TOP2B: variants seen among roughly 807,000 people sequenced by gnomAD.
TOP2B encodes DNA topoisomerase II beta.
In TOP2B, 51 loss-of-function variants were observed where a neutral mutation model predicts 193.5. The observed-to-expected ratio is 0.26, with a 90% CI of 0.21 to 0.33. The LOEUF (loss-of-function observed/expected upper bound fraction) is 0.33, where lower values mean the gene tolerates loss of function less well. Ranked by LOEUF, TOP2B falls within the 10% of genes least tolerant of loss-of-function variation. The pLI, the probability that TOP2B is intolerant of heterozygous loss-of-function variation, is 1.00. For synonymous variants in TOP2B, 634 were observed against 635.7 expected, an observed-to-expected ratio of 1.00 and a Z score of 0.04; for missense variants, 1,378 against 1,909.3, an observed-to-expected ratio of 0.72 and a Z score of 5.19.
intron 13 of TOP2B, 71 bp from the exon 14 acceptor site, chr3:25,629,216 T>C: frequency 4.3e-6 from 5 of 1,173,724 alleles, no homozygotes; most frequent in Non-Finnish European, 5.8e-6. Context: ...TAAACAAATT[T>C]TAAAACGTGA....
At chr3:25,654,127 G>T (rs1703677430) in intron 1 of TOP2B, among the ~76,000 whole-genome samples, 1 of 152,004 alleles carries the variant, frequency 6.6e-6, no homozygotes, top group Non-Finnish European at 1.5e-5. Context: ...ACAAGAAAAG[G>T]AAATAAAAGG....
chr3:25,647,103 G>A (rs913275349), intron 1 of TOP2B, among the ~76,000 whole-genome samples: 1 of 152,078 alleles, frequency 6.6e-6, no homozygotes, highest in Admixed American at 6.5e-5. Context: ...AAAGTTAGAC[G>A]ATGAACTAGC....
In TOP2B at chr3:25,624,448, A is replaced by G; in HGVS notation, c.2347-3T>C. 6.2e-7 allele frequency: 1 copy of G among 1,612,820 alleles called. No individual in the cohort carries two copies. The highest frequency in any genetic ancestry group is 2.2e-5 in the East Asian group (1 of 44,852). ...ACAATAGTCATCATCAATGCTTGCT[A>G]TACAACAGAAGAAGGCAGAACATAA... is the stretch of plus-strand genomic sequence containing the variant. On this transcript the variant is annotated splice_region_variant and splice_polypyrimidine_tract_variant and intron_variant, in intron 19 of 35. Coordinates refer to ENST00000264331, the MANE Select transcript of TOP2B (RefSeq NM_001330700.2).
rs754151946 is a variant in TOP2B, at chr3:25,630,129, T to C, written c.1589A>G (p.Asn530Ser). The change falls in exon 13 of 36, where the codon AAT (asparagine) becomes AGT (serine). Residue 530 changes from asparagine (N) to serine (S), a missense_variant. Asn to Ser is a conservative substitution (Grantham distance 46). Around this residue, in one of 9 missense-constraint regions of TOP2B, gnomAD observed 66 missense variants for 153.3 expected, o/e 0.43. Transcript: ENST00000264331. ...KQIMENAEINNIIKIVGLQYK... is the reference protein window; with the variant it reads ...KQIMENAEINSIIKIVGLQYK... ...TTGTAGACCAACTATTTTAATAATA[T>C]TATTTATTTCAGCATTTTCCATGAT... 13 of 1,566,000 alleles carry C rather than the reference T, an allele frequency of 8.3e-6. No individual in the cohort carries two copies. Among genetic ancestry groups the C allele is most frequent in the Non-Finnish European group, 1.1e-5 (13 of 1,155,352 alleles).
Position 25,637,257 on chromosome 3 carries a change from T to C in TOP2B, c.597A>G (p.Thr199=), listed in dbSNP as rs751567735. 5 of 1,560,470 alleles carry C rather than the reference T, an allele frequency of 3.2e-6. No individual in the cohort carries two copies. The South Asian group carries it at 5.9e-5, about 18-fold the overall frequency. ...TGTATTCTTTGCAAGCTGTTTCTAC[T>C]GTAAACTTTGTACTGAAAATATTAC... ...KLCNIFSTKF[T]VETACKEYKH... is the part of the protein sequence containing the mutation. The change falls in exon 6 of 36, where the codon ACA becomes ACG. Residue 199 remains threonine, a synonymous_variant. Coordinates refer to ENST00000264331, the MANE Select transcript of TOP2B (RefSeq NM_001330700.2).
intron 1 of TOP2B, among the ~76,000 whole-genome samples, chr3:25,649,954 T>C (rs886192757): frequency 3.3e-5 from 5 of 152,202 alleles, no homozygotes; most frequent in Non-Finnish European, 5.9e-5. Context: ...ATATCAGCCA[T>C]TTAGCTCAAC....
intron 1 of TOP2B, among the ~76,000 whole-genome samples, chr3:25,657,071 C>T (rs1703766432): frequency 6.6e-6 from 1 of 152,198 alleles, no homozygotes; most frequent in Admixed American, 6.5e-5. Context: ...TCCAATTTGT[C>T]TTTTACGTTC....
intron 10 of TOP2B, among the ~76,000 whole-genome samples, chr3:25,631,215 T>C (rs1702946966): frequency 6.6e-6 from 1 of 152,090 alleles, no homozygotes; most frequent in Admixed American, 6.6e-5. Context: ...ATTGCTCTTG[T>C]TACAAATTAA....
At chr3:25,631,945 A>T (rs1702971063) in intron 10 of TOP2B, among the ~76,000 whole-genome samples, 2 of 152,074 alleles carry the variant, frequency 1.3e-5, no homozygotes. Flanking sequence ...GCTGTGATTG[A>T]TTCATCTCCA....
At chr3:25,630,506 C>A in intron 11 of TOP2B, 37 bp from the exon 12 acceptor site, 1 of 1,469,576 alleles carries the variant, frequency 6.8e-7, no homozygotes, top group Non-Finnish European at 9.1e-7. Flanking sequence ...GTAAAAATTT[C>A]TCATACTTTC....
chr3:25,637,331 G>A lies in TOP2B; in HGVS notation c.542-19C>T. The stretch of plus-strand genomic sequence containing the variant: ...CGACCACCTGTAAGAAAAATTAAAT[G>A]TAAAAGGTTTAGTAAAAATGATTTT... On this transcript the variant is annotated intron_variant, in intron 5 of 35. Transcript: ENST00000264331. 6.6e-7 allele frequency: 1 copy of A among 1,515,626 alleles called. No individual in the cohort carries two copies. Among genetic ancestry groups the A allele is most frequent in the Admixed American group, 2.1e-5 (1 of 48,444 alleles). The allele number at this position is 1,515,626 out of a possible 1,614,324, so 93.9% of individuals were successfully genotyped here. A position where few individuals can be genotyped will look rare whatever the true frequency, so the allele number is the denominator to read the frequency against.
chr3:25,619,769 T>G lies in TOP2B; in HGVS notation c.3063+93A>C, dbSNP rs1037172259. 2.1e-5 allele frequency: 17 copies of G among 823,088 alleles called. No individual in the cohort carries two copies. The African/African-American group carries it at 2.8e-4, about 14-fold the overall frequency. The allele number at this position is 823,088 out of a possible 1,614,324, so 51.0% of individuals were successfully genotyped here. On this transcript the variant is annotated intron_variant, in intron 23 of 35. Coordinates refer to ENST00000264331, the MANE Select transcript of TOP2B (RefSeq NM_001330700.2). ...AAAAAAAAAAAAAATGCCTTCAGGC[T>G]TACTATAGCCACTCCCATCATGAAA...
rs1378024611 is a variant in TOP2B at position 25,645,488 on chromosome 3, A to C, written c.70-18T>G. On this transcript the variant is annotated intron_variant, in intron 1 of 35. Coordinates refer to ENST00000264331, the MANE Select transcript of TOP2B (RefSeq NM_001330700.2). ...AAAAGAGTCTAAAATTAACCAAAAA[A>C]TCAAATTTAAATAACCTACCAAGGG... 1.3e-6 allele frequency: 2 copies of C among 1,579,694 alleles called. No individual in the cohort carries two copies. The highest frequency in any genetic ancestry group is 1.2e-5 in the South Asian group (1 of 85,518).
intron 25 of TOP2B, chr3:25,616,021 A>T (rs1311233564): frequency 1.3e-5 from 2 of 152,160 alleles, no homozygotes; most frequent in East Asian, 3.8e-4. Flanking sequence ...AGTTATAATA[A>T]ATATGTTAAG....
chr3:25,649,878 T>C (rs988200903), intron 1 of TOP2B, among the ~76,000 whole-genome samples: 1 of 152,014 alleles, frequency 6.6e-6, no homozygotes, highest in Non-Finnish European at 1.5e-5. Context: ...AAGATAAAAA[T>C]AAAAAATATA....
intron 1 of TOP2B, among the ~76,000 whole-genome samples, chr3:25,648,029 A>C (rs1442544457): frequency 6.6e-6 from 1 of 151,848 alleles, no homozygotes; most frequent in East Asian, 1.9e-4. Context: ...ATTGAGAAAA[A>C]CAAACAAGAC....
At chr3:25,598,720 T>C (rs571063066) in intron 35 of TOP2B, among the ~76,000 whole-genome samples, 2 of 152,276 alleles carry the variant, frequency 1.3e-5, no homozygotes, top group African/African-American at 4.8e-5. Flanking sequence ...GCCTGAAAAA[T>C]GTAACACCTT....
chr3:25,646,320 T>C (rs970506415), intron 1 of TOP2B, among the ~76,000 whole-genome samples: 1 of 152,204 alleles, frequency 6.6e-6, no homozygotes, highest in Non-Finnish European at 1.5e-5. Flanking sequence ...CACACATTTG[T>C]AGATCATGCC....
rs201694255 is a variant in TOP2B, at chr3:25,629,031, G to T, written c.1800+4C>A. On this transcript the variant is annotated splice_donor_region_variant and intron_variant, in intron 14 of 35. Coordinates refer to ENST00000264331, the MANE Select transcript of TOP2B (RefSeq NM_001330700.2). ...ATATAAAAATATATTAATGCAAAGA[G>T]TACCTTTACAATAGGAGTAATGAAC... The T allele has an allele frequency of 3.2e-6, 5 of 1,578,868 alleles. No individual in the cohort carries two copies. Among genetic ancestry groups the T allele is most frequent in the Non-Finnish European group, 4.3e-6 (5 of 1,159,834 alleles).
Sources: gnomAD v4.1 joint callset for allele counts (sites outside exome capture counted in the v4.1 genomes callset) on GRCh38, gnomAD v4.1.1 for gene constraint, gnomAD v4.1.1 regional missense constraint, MANE v1.5 for transcripts, NCBI Gene and HGNC (gene_info 2026-07-23, HGNC 2026-07-21) for gene names.